AOAH: variants seen among roughly 807,000 people sequenced by gnomAD.
AOAH encodes acyloxyacyl hydrolase (neutrophil).
In AOAH, 64 loss-of-function variants were observed where a neutral mutation model predicts 92.2. That is an observed-to-expected ratio of 0.69 (90% CI 0.57 to 0.86). AOAH has a LOEUF of 0.86. AOAH is among the 40% of genes least tolerant of loss of function. The pLI, the probability that AOAH is intolerant of heterozygous loss-of-function variation, is 0.00. For synonymous variants in AOAH, 263 were observed against 254.5 expected, an observed-to-expected ratio of 1.03 and a Z score of -0.32; for missense variants, 656 against 694.6, an observed-to-expected ratio of 0.94 and a Z score of 0.62.
intron 16 of AOAH, 47 bp downstream of exon 16, chr7:36,540,272 A>G (rs533798785): frequency 2.0e-6 from 3 of 1,503,212 alleles, no homozygotes; most frequent in African/African-American, 2.8e-5. Flanking sequence ...ATTGAACTGT[A>G]TATACATTGA....
At chr7:36,602,437 T>C (rs889793076) in intron 11 of AOAH, among the ~76,000 whole-genome samples, 21 of 151,130 alleles carry the variant, frequency 1.4e-4, no homozygotes, top group African/African-American at 5.1e-4. Context: ...TTCCCTTCCT[T>C]CCATTGTTTT....
chr7:36,580,269 T>G (rs1290037824), intron 12 of AOAH, among the ~76,000 whole-genome samples: 1 of 152,226 alleles, frequency 6.6e-6, no homozygotes, highest in Non-Finnish European at 1.5e-5. Context: ...CCTATTTTCA[T>G]GTCATGGACC....
chr7:36,640,169 A>G lies in AOAH; in HGVS notation c.391-2259T>C, dbSNP rs1305981604. On this transcript the variant is annotated intron_variant, in intron 4 of 20. Transcript: ENST00000617537. The stretch of plus-strand genomic sequence containing the variant: ...GCAGGGAAATGCACCAGCTTTTGCC[A>G]AGGAGGGGGAGTCGAAGCGTCCAAG... Among the ~76,000 whole-genome samples the G allele has an allele frequency of 5.9e-5, 9 of 152,222 alleles. No homozygotes were observed. In the East Asian group the frequency reaches 1.5e-3, roughly 26 times the overall value.
At chr7:36,627,650 C>T (rs1391831220) in intron 6 of AOAH, among the ~76,000 whole-genome samples, 1 of 152,068 alleles carries the variant, frequency 6.6e-6, no homozygotes, top group Non-Finnish European at 1.5e-5. Context: ...CAGGTGTCTG[C>T]TCTCATCATG....
At chr7:36,669,355 C>T (rs938656183) in intron 3 of AOAH, among the ~76,000 whole-genome samples, 9 of 146,942 alleles carry the variant, frequency 6.1e-5, no homozygotes, top group African/African-American at 2.3e-4. Context: ...TTGGGAATAA[C>T]AGAATTATAT....
At chr7:36,555,637 C>T (rs1279406428) in intron 13 of AOAH, among the ~76,000 whole-genome samples, 6 of 152,132 alleles carry the variant, frequency 3.9e-5, no homozygotes, top group African/African-American at 1.2e-4. Flanking sequence ...GGTTGGTAAG[C>T]TATTGATTAT....
At chr7:36,683,493 C>CA (rs1186802369) in intron 2 of AOAH, among the ~76,000 whole-genome samples, 1 of 151,578 alleles carries the variant, frequency 6.6e-6, no homozygotes, top group East Asian at 1.9e-4. Flanking sequence ...AAGGCATATG[C>CA]AAAAAAACAA....
At chr7:36,550,645 A>G (rs1294944848) in intron 13 of AOAH, among the ~76,000 whole-genome samples, 1 of 152,138 alleles carries the variant, frequency 6.6e-6, no homozygotes, top group Non-Finnish European at 1.5e-5. Context: ...GTTAACCCAA[A>G]CCAGTGTACT....
At chr7:36,687,524 G>C (rs1797111746) in intron 1 of AOAH, among the ~76,000 whole-genome samples, 1 of 149,020 alleles carries the variant, frequency 6.7e-6, no homozygotes, top group African/African-American at 2.5e-5. Context: ...TGAGCAGCAG[G>C]GGAAAACCAA....
chr7:36,660,796 T>C (rs555259583), intron 3 of AOAH, among the ~76,000 whole-genome samples: 17 of 152,326 alleles, frequency 1.1e-4, no homozygotes, highest in African/African-American at 4.1e-4. Flanking sequence ...GAAAAGTGAG[T>C]ATAATTTTTC....
intron 3 of AOAH, chr7:36,661,315 T>A (rs1023495545): frequency 6.6e-5 from 10 of 152,162 alleles, no homozygotes; most frequent in African/African-American, 2.4e-4. Flanking sequence ...GAAGCTCGAG[T>A]GAGCTGGGAT....
intron 1 of AOAH, among the ~76,000 whole-genome samples, chr7:36,687,713 T>G (rs2116787378): frequency 6.6e-6 from 1 of 152,276 alleles, no homozygotes; most frequent in Admixed American, 6.5e-5. Context: ...TCCTACAAAA[T>G]GTTCCAAGGA....
At chr7:36,633,773 A>G (rs551907572) in intron 5 of AOAH, among the ~76,000 whole-genome samples, 48 of 152,178 alleles carry the variant, frequency 3.2e-4, no homozygotes, top group African/African-American at 1.0e-3. Flanking sequence ...TGGCCTGGAG[A>G]AGGATCATTT....
At chr7:36,685,029 C>T (rs1796911876) in intron 2 of AOAH, among the ~76,000 whole-genome samples, 1 of 147,436 alleles carries the variant, frequency 6.8e-6, no homozygotes, top group Admixed American at 6.8e-5. Context: ...AAAACAATAT[C>T]ATTTATAGGC....
chr7:36,639,044 C>T (rs1793716809), intron 4 of AOAH, among the ~76,000 whole-genome samples: 1 of 152,222 alleles, frequency 6.6e-6, no homozygotes, highest in South Asian at 2.1e-4. Context: ...GCTCCAACTG[C>T]ACCCAGTATC....
chr7:36,721,707 A>T (rs1281458541), intron 1 of AOAH, among the ~76,000 whole-genome samples: 1 of 152,234 alleles, frequency 6.6e-6, no homozygotes, highest in African/African-American at 2.4e-5. Flanking sequence ...GGCCATGAGA[A>T]TTTGTATGGG....
intron 20 of AOAH, among the ~76,000 whole-genome samples, chr7:36,519,087 G>A (rs1179071850): frequency 2.6e-5 from 4 of 152,204 alleles, no homozygotes; most frequent in East Asian, 1.9e-4. Flanking sequence ...TACCCTCCAC[G>A]CCGCTACTAC....
intron 1 of AOAH, among the ~76,000 whole-genome samples, chr7:36,708,319 T>C (rs1326414632): frequency 6.6e-6 from 1 of 152,192 alleles, no homozygotes; most frequent in Non-Finnish European, 1.5e-5. Context: ...TGAACTGAAA[T>C]CTTCTGTTGA....
intron 13 of AOAH, 71 bp downstream of exon 13, chr7:36,576,503 T>C: frequency 2.3e-6 from 2 of 863,408 alleles, no homozygotes; most frequent in Non-Finnish European, 3.6e-6. Flanking sequence ...ATCTCAGCTT[T>C]TGAGGTACTT....
Sources: gnomAD v4.1 joint callset for allele counts (sites outside exome capture counted in the v4.1 genomes callset) on GRCh38, gnomAD v4.1.1 for gene constraint, MANE v1.5 for transcripts, NCBI Gene and HGNC (gene_info 2026-07-23, HGNC 2026-07-21) for gene names.